The following UBE2G1 variants were observed in gnomAD, a reference collection of about 807,000 sequenced individuals.
The protein encoded by UBE2G1 is ubiquitin-conjugating enzyme E2 G1.
A neutral mutation model predicts 22.7 loss-of-function variants in UBE2G1; 5 were observed. The observed-to-expected ratio is 0.22, with a 90% confidence interval of 0.12 to 0.46. UBE2G1 has a LOEUF of 0.46. UBE2G1 is among the 20% of genes least tolerant of loss of function. The pLI is 0.99. For synonymous variants in UBE2G1, 74 were observed against 67.5 expected, an observed-to-expected ratio of 1.10 and a Z score of -0.47; for missense variants, 88 against 203.9, an observed-to-expected ratio of 0.43 and a Z score of 3.46.
rs558645978 is a variant in UBE2G1, at chr17:4,332,886, CCT to C, written c.47-25765_47-25764del. ...CCCCCTTACACACTCCTTATTTTAT[CCT>C]CTTTCCCTGTTCTAGTTTCCACACA... On this transcript the variant is annotated intron_variant, in intron 1 of 5. Coordinates refer to ENST00000396981, the MANE Select transcript of UBE2G1 (RefSeq NM_003342.5). Among the ~76,000 whole-genome samples, 43 of 152,230 alleles carry C rather than the reference CCT, an allele frequency of 2.8e-4. 1 individual carries two copies. In the South Asian group the frequency reaches 7.5e-3, roughly 26 times the overall value.
At chr17:4,305,274 T>A (rs1442425237) in intron 2 of UBE2G1, among the ~76,000 whole-genome samples, 2 of 152,190 alleles carry the variant, frequency 1.3e-5, no homozygotes, top group Non-Finnish European at 2.9e-5. Flanking sequence ...AGTACATGGT[T>A]CTTGGTAGCA....
chr17:4,340,568 T>TC (rs1308788755), intron 1 of UBE2G1, among the ~76,000 whole-genome samples: 1 of 152,086 alleles, frequency 6.6e-6, no homozygotes, highest in Non-Finnish European at 1.5e-5. Flanking sequence ...AAGGTGCTTT[T>TC]CCCCGCTTCG....
rs1219657452 is a variant in UBE2G1, at chr17:4,339,309, A to AT, written c.46+26961dup. 9.2e-3 allele frequency among the ~76,000 whole-genome samples: 1,303 copies of AT among 142,272 alleles called. 21 individuals carry two copies. Among genetic ancestry groups the AT allele is most frequent in the African/African-American group, 0.026 (1,000 of 39,030 alleles). 93.3% of individuals were successfully genotyped at this position (142,272 alleles called of 152,430 possible). A position where few individuals can be genotyped will look rare whatever the true frequency, so the allele number is the denominator to read the frequency against. On this transcript the variant is annotated intron_variant, in intron 1 of 5. Coordinates refer to ENST00000396981, the MANE Select transcript of UBE2G1 (RefSeq NM_003342.5). ...TGGGTTCAGACCCAAGCGCTTCTCT[A>AT]TTTTTTTTTTTTGAGACGGAATTTC...
chr17:4,328,732 CAAA>C (rs1197934024), intron 1 of UBE2G1, among the ~76,000 whole-genome samples: 1 of 152,092 alleles, frequency 6.6e-6, no homozygotes, highest in Non-Finnish European at 1.5e-5. Context: ...AAGTTTTTTT[CAAA>C]AACAAATTAG....
At position 4,315,124 on chromosome 17, in the gene UBE2G1, G is replaced by C. The variant is rs923050314; in HGVS notation, c.47-8001C>G. ...ATTTACAGACAAATGATCATGTTTA[G>C]AATGTACTTCACAGTCATTAGGGAG... On this transcript the variant is annotated intron_variant, in intron 1 of 5. Transcript: ENST00000396981. 7.9e-5 allele frequency among the ~76,000 whole-genome samples: 12 copies of C among 152,086 alleles called. No homozygotes were observed. In the East Asian group the frequency reaches 2.3e-3, roughly 29 times the overall value.
chr17:4,298,879 T>C (rs1969140960), intron 2 of UBE2G1, among the ~76,000 whole-genome samples: 1 of 152,134 alleles, frequency 6.6e-6, no homozygotes, highest in Admixed American at 6.5e-5. Flanking sequence ...AGGTTATCTA[T>C]TGAAAGGAAG....
rs76537759 is a variant in UBE2G1, at chr17:4,347,638, C to T, written c.46+18633G>A. 9.9e-5 allele frequency among the ~76,000 whole-genome samples: 15 copies of T among 152,114 alleles called. No individual in the cohort carries two copies. The East Asian group carries it at 2.9e-3, about 29-fold the overall frequency. ...TACAGGCAAATGCCACCATGTCTGG[C>T]TAATTTTTGTATTCTTTTAGTAGAT... On this transcript the variant is annotated intron_variant, in intron 1 of 5. Transcript: ENST00000396981.
chr17:4,302,047 A>AGG (rs552786501), intron 2 of UBE2G1: 2 of 491,154 alleles, frequency 4.1e-6, no homozygotes, highest in South Asian at 3.1e-5. Flanking sequence ...CAACAAAAAA[A>AGG]GGGGGGGGAA....
At chr17:4,348,262 G>GA (rs1271288589) in intron 1 of UBE2G1, among the ~76,000 whole-genome samples, 1 of 151,820 alleles carries the variant, frequency 6.6e-6, no homozygotes, top group Non-Finnish European at 1.5e-5. Flanking sequence ...TGTCTGTAAA[G>GA]AAAAAAATAG....
intron 1 of UBE2G1, among the ~76,000 whole-genome samples, chr17:4,348,543 A>C: frequency 7.4e-6 from 1 of 134,582 alleles, no homozygotes; most frequent in Admixed American, 7.9e-5. Flanking sequence ...ACAGAGCGAG[A>C]CTCCGTCTCA....
rs527705102 is a variant in UBE2G1, at chr17:4,273,513, A to G, written c.*38-997T>C. Among the ~76,000 whole-genome samples the G allele has an allele frequency of 5.3e-5, 8 of 151,686 alleles. No individual in the cohort carries two copies. The South Asian group carries it at 1.5e-3, about 28-fold the overall frequency. On this transcript the variant is annotated intron_variant, in intron 5 of 5. Coordinates refer to ENST00000396981, the MANE Select transcript of UBE2G1 (RefSeq NM_003342.5). ...ACACCACCATGCCCAGATAATTTTTAATTTTTTTTTGTAGAAACAGGGTCC... is the reference window on the plus strand; with the variant it reads ...ACACCACCATGCCCAGATAATTTTTGATTTTTTTTTGTAGAAACAGGGTCC...
At chr17:4,308,799 C>T (rs1358309380) in intron 1 of UBE2G1, among the ~76,000 whole-genome samples, 1 of 152,146 alleles carries the variant, frequency 6.6e-6, no homozygotes, top group East Asian at 1.9e-4. Context: ...GCAGCTTTGT[C>T]TAATGATGAA....
intron 2 of UBE2G1, among the ~76,000 whole-genome samples, chr17:4,299,267 C>T (rs187664856): frequency 1.4e-4 from 22 of 152,204 alleles, no homozygotes; most frequent in Admixed American, 1.0e-3. Flanking sequence ...AACATGGTGG[C>T]GTGCACCTGT....
At chr17:4,347,469 C>CTTTTT (rs34014821) in intron 1 of UBE2G1, among the ~76,000 whole-genome samples, 3,871 of 89,380 alleles carry the variant, frequency 0.043, 269 homozygotes, top group African/African-American at 0.069. Flanking sequence ...AGTATTTCTT[C>CTTTTT]TTTTTTTTTT....
intron 1 of UBE2G1, among the ~76,000 whole-genome samples, chr17:4,340,050 G>C (rs1450059029): frequency 6.6e-6 from 1 of 152,100 alleles, no homozygotes; most frequent in Non-Finnish European, 1.5e-5. Flanking sequence ...TCTCACCTCA[G>C]CTTCCTGATT....
At chr17:4,291,054 G>C (rs1371869997) in intron 3 of UBE2G1, among the ~76,000 whole-genome samples, 1 of 152,068 alleles carries the variant, frequency 6.6e-6, no homozygotes, top group East Asian at 1.9e-4. Context: ...TACTAAAATA[G>C]AATCAGGGCC....
chr17:4,290,198 A>G (rs1969017137), intron 3 of UBE2G1, among the ~76,000 whole-genome samples: 1 of 152,220 alleles, frequency 6.6e-6, no homozygotes. Flanking sequence ...ACATTTACCC[A>G]CCGTAAATTT....
chr17:4,312,774 T>C (rs1470780634), intron 1 of UBE2G1, among the ~76,000 whole-genome samples: 1 of 147,314 alleles, frequency 6.8e-6, no homozygotes, highest in Non-Finnish European at 1.5e-5. Context: ...GGAGAAACTA[T>C]CCAATGATGA....
At chr17:4,322,568 C>A (rs1233048256) in intron 1 of UBE2G1, among the ~76,000 whole-genome samples, 1 of 152,178 alleles carries the variant, frequency 6.6e-6, no homozygotes, top group Non-Finnish European at 1.5e-5. Flanking sequence ...GCATCTTGTA[C>A]ATGATCTTCT....
Sources: allele counts gnomAD v4.1 joint callset (sites outside exome capture counted in the v4.1 genomes callset), GRCh38; gene constraint gnomAD v4.1.1; transcripts MANE v1.5; gene names NCBI Gene and HGNC (gene_info 2026-07-23, HGNC 2026-07-21).